Variants in TNKS observed in about 807,000 individuals in gnomAD.
TNKS encodes poly [ADP-ribose] polymerase tankyrase-1.
TNKS carries 72 observed loss-of-function variants against 135.8 expected under a neutral mutation model. That is an observed-to-expected ratio of 0.53 (90% CI 0.44 to 0.64). The LOEUF is 0.64. Ranked by LOEUF, TNKS falls within the 30% of genes least tolerant of loss-of-function variation. TNKS has a pLI of 0.00. For synonymous variants in TNKS, 849 were observed against 649.3 expected, an observed-to-expected ratio of 1.31 and a Z score of -4.68; for missense variants, 1,769 against 1,674.0, an observed-to-expected ratio of 1.06 and a Z score of -0.99.
At chr8:9,585,357 A>G (rs1288338107) in intron 2 of TNKS, among the ~76,000 whole-genome samples, 1 of 152,154 alleles carries the variant, frequency 6.6e-6, no homozygotes, top group Non-Finnish European at 1.5e-5. Context: ...CAGGGGAAAA[A>G]AGAAAAAAAA....
intron 3 of TNKS, among the ~76,000 whole-genome samples, chr8:9,657,276 G>A (rs1285649231): frequency 6.2e-4 from 57 of 92,078 alleles, no homozygotes; most frequent in African/African-American, 2.0e-3. Flanking sequence ...CCTCCCGGAC[G>A]GGGCGGCTGG....
intron 3 of TNKS, among the ~76,000 whole-genome samples, chr8:9,635,242 C>T (rs1800466165): frequency 6.6e-6 from 1 of 151,466 alleles, no homozygotes; most frequent in Non-Finnish European, 1.5e-5. Flanking sequence ...AACATAGGAA[C>T]CATCCTGAAG....
At position 9,781,603 on chromosome 8, in the gene TNKS, T is replaced by C. The variant is rs1431928203; in HGVS notation, c.*4867T>C. ...CTGCTCCCATTGTTTCAAGCTCATC[T>C]TATCTTTGTAGTAGTAATGTTTGTC... On this transcript the variant is annotated 3_prime_UTR_variant, in exon 27 of 27. Coordinates refer to ENST00000310430, the MANE Select transcript of TNKS (RefSeq NM_003747.3). 2 of 152,634 alleles carry C rather than the reference T, an allele frequency of 1.3e-5. No individual in the cohort carries two copies. The highest frequency in any genetic ancestry group is 2.9e-5 in the Non-Finnish European group (2 of 68,044). 9.5% of individuals were successfully genotyped at this position (152,634 alleles called of 1,614,324 possible).
intron 2 of TNKS, among the ~76,000 whole-genome samples, chr8:9,600,984 T>C (rs1306118367): frequency 1.3e-5 from 2 of 152,250 alleles, no homozygotes; most frequent in African/African-American, 2.4e-5. Context: ...TGATCCAATT[T>C]TTCTTTATTC....
chr8:9,710,122 T>G lies in TNKS; in HGVS notation c.1671-20T>G. On this transcript the variant is annotated intron_variant, in intron 10 of 26. Coordinates refer to ENST00000310430, the MANE Select transcript of TNKS (RefSeq NM_003747.3). The stretch of plus-strand genomic sequence containing the variant: ...TAAAAGAGAGACAATTACCTTTTCT[T>G]TCTTTCCTCTTTTCTGTAGTTTCAT... 1 of 1,613,230 alleles carries G rather than the reference T, an allele frequency of 6.2e-7. No individual in the cohort carries two copies. Among genetic ancestry groups the G allele is most frequent in the Non-Finnish European group, 8.5e-7 (1 of 1,179,266 alleles).
chr8:9,650,384 T>C (rs1434437650), intron 3 of TNKS, among the ~76,000 whole-genome samples: 3 of 152,208 alleles, frequency 2.0e-5, no homozygotes, highest in African/African-American at 7.2e-5. Context: ...TTACTTCTTT[T>C]AGTCTCCACA....
intron 7 of TNKS, 32 bp downstream of exon 7, chr8:9,706,285 TAC>T: frequency 1.4e-6 from 2 of 1,410,482 alleles, no homozygotes. Flanking sequence ...GAGCATCATT[TAC>T]TTTTTTTTTT....
At chr8:9,605,002 A>C (rs980803416) in intron 2 of TNKS, among the ~76,000 whole-genome samples, 4 of 152,064 alleles carry the variant, frequency 2.6e-5, no homozygotes, top group African/African-American at 9.6e-5. Flanking sequence ...AGTTTTGTAT[A>C]ACATAAAAAT....
intron 26 of TNKS, among the ~76,000 whole-genome samples, chr8:9,771,676 A>AGG (rs1204172805): frequency 2.6e-5 from 3 of 113,236 alleles, no homozygotes; most frequent in African/African-American, 1.1e-4. Context: ...GCAGGAAGGG[A>AGG]GGGAGAGAGA....
intron 3 of TNKS, among the ~76,000 whole-genome samples, chr8:9,631,099 T>G (rs778039318): frequency 3.7e-4 from 56 of 152,206 alleles, no homozygotes; most frequent in Non-Finnish European, 7.2e-4. Context: ...TATTCTTGGC[T>G]AAGTATTAGA....
intron 12 of TNKS, among the ~76,000 whole-genome samples, chr8:9,726,215 A>T (rs997342257): frequency 6.6e-6 from 1 of 152,054 alleles, no homozygotes; most frequent in Non-Finnish European, 1.5e-5. Context: ...ACATGGTGAA[A>T]ACCCATCTCC....
rs1807736155 is a variant in TNKS at position 9,770,156 on chromosome 8, G to A, written c.3791G>A (p.Ser1264Asn). Residue 1264 changes from serine (S) to asparagine (N), a missense_variant, in exon 26 of 27, where the codon AGC (serine) becomes AAC (asparagine). This residue lies in a region of TNKS where 722 missense variants were observed against 688.9 expected (regional missense o/e 1.05). Transcript: ENST00000310430. ...CTTGGGAAATCCTTTCTGCAGTTTA[G>A]CACCATGAAAATGGCCCACGCGCCT... ...VTLGKSFLQFSTMKMAHAPPG... is the reference protein window; with the variant it reads ...VTLGKSFLQFNTMKMAHAPPG... 2 of 1,613,292 alleles carry A rather than the reference G, an allele frequency of 1.2e-6. No individual in the cohort carries two copies. Among genetic ancestry groups the A allele is most frequent in the Admixed American group, 3.3e-5 (2 of 60,014 alleles).
intron 3 of TNKS, among the ~76,000 whole-genome samples, chr8:9,625,926 G>C (rs1388698437): frequency 6.6e-6 from 1 of 152,176 alleles, no homozygotes; most frequent in East Asian, 1.9e-4. Flanking sequence ...AATAGATTCT[G>C]TTGGTTGATG....
intron 5 of TNKS, among the ~76,000 whole-genome samples, chr8:9,682,717 C>G (rs1479327028): frequency 6.6e-6 from 1 of 151,916 alleles, no homozygotes; most frequent in Non-Finnish European, 1.5e-5. Context: ...TAATTTTATC[C>G]TCTGAGTGAG....
At chr8:9,647,966 G>T (rs376076808) in intron 3 of TNKS, among the ~76,000 whole-genome samples, 2 of 152,278 alleles carry the variant, frequency 1.3e-5, no homozygotes, top group Non-Finnish European at 2.9e-5. Flanking sequence ...ACTGTAGGCA[G>T]TTATAACACA....
At chr8:9,759,623 G>T (rs1355991266) in intron 20 of TNKS, among the ~76,000 whole-genome samples, 2 of 152,184 alleles carry the variant, frequency 1.3e-5, no homozygotes, top group Non-Finnish European at 2.9e-5. Flanking sequence ...AGAATATTGT[G>T]TTTTGCTGGC....
intron 3 of TNKS, among the ~76,000 whole-genome samples, chr8:9,627,720 T>C (rs1800118435): frequency 6.6e-6 from 1 of 152,160 alleles, no homozygotes; most frequent in Non-Finnish European, 1.5e-5. Flanking sequence ...TTTGTTGCCG[T>C]AATCAAGAAA....
intron 3 of TNKS, among the ~76,000 whole-genome samples, chr8:9,622,677 C>T (rs1799909429): frequency 6.6e-6 from 1 of 152,128 alleles, no homozygotes; most frequent in African/African-American, 2.4e-5. Flanking sequence ...AACTCCAGGG[C>T]TTAAATCTAG....
intron 3 of TNKS, among the ~76,000 whole-genome samples, chr8:9,671,902 T>G (rs1189302032): frequency 6.6e-6 from 1 of 152,240 alleles, no homozygotes; most frequent in African/African-American, 2.4e-5. Context: ...ATAAGTTTTA[T>G]ATGGCATGAT....
Sources: gnomAD v4.1 joint callset for allele counts (sites outside exome capture counted in the v4.1 genomes callset) on GRCh38, gnomAD v4.1.1 for gene constraint, gnomAD v4.1.1 regional missense constraint, MANE v1.5 for transcripts, NCBI Gene and HGNC (gene_info 2026-07-23, HGNC 2026-07-21) for gene names.